The following KATNAL2 variants were observed in gnomAD, a reference collection of about 807,000 sequenced individuals.
The protein encoded by KATNAL2 is katanin catalytic subunit A1 like 2, also known as katanin p60 ATPase-containing subunit A-like 2.
In KATNAL2, 52 loss-of-function variants were observed where a neutral mutation model predicts 76.3. That is an observed-to-expected ratio of 0.68 (90% CI 0.55 to 0.86). The LOEUF (loss-of-function observed/expected upper bound fraction) is 0.86, where lower values mean the gene tolerates loss of function less well. Ranked by LOEUF, KATNAL2 falls within the 40% of genes least tolerant of loss-of-function variation. KATNAL2 has a pLI of 0.00. For synonymous variants in KATNAL2, 243 were observed against 244.2 expected (o/e 1.00, Z 0.05); for missense variants, 660 against 668.9 (o/e 0.99, Z 0.15).
intron 1 of KATNAL2, among the ~76,000 whole-genome samples, chr18:46,942,916 C>T (rs1364454099): frequency 1.3e-5 from 2 of 151,840 alleles, no homozygotes; most frequent in African/African-American, 2.4e-5. Context: ...TGTTTTCTTC[C>T]TTTAAAGAAT....
chr18:47,072,339 C>T (rs1197967403), intron 13 of KATNAL2, among the ~76,000 whole-genome samples: 2 of 152,208 alleles, frequency 1.3e-5, no homozygotes, highest in African/African-American at 4.8e-5. Context: ...CCTGAGCCCT[C>T]TCTGCAGAGG....
intron 11 of KATNAL2, among the ~76,000 whole-genome samples, 156 bp downstream of exon 11, chr18:47,067,275 C>T (rs1449011954): frequency 1.3e-5 from 2 of 152,146 alleles, no homozygotes; most frequent in African/African-American, 4.8e-5. Context: ...CCTGGAGCAC[C>T]AAAGCCTGGT....
In KATNAL2 at chr18:47,046,479, G is replaced by A. The variant is rs1178127684; in HGVS notation, c.74G>A (p.Arg25Gln). 11 of 1,535,812 alleles carry A rather than the reference G, an allele frequency of 7.2e-6. No individual in the cohort carries two copies. Among genetic ancestry groups the A allele is most frequent in the Admixed American group, 3.9e-5 (2 of 50,966 alleles). ...CAGTGCGAGATGAGGACAGAAGCAC[G>A]ACGAAAAAATCTTCTCATTTTGATT... is the stretch of plus-strand genomic sequence containing the variant. The part of the protein sequence containing the change: ...REACEMRTEA[R>Q]RKNLLILISH... The change falls in exon 4 of 18, where the codon CGA becomes CAA. Residue 25 changes from arginine (R) to glutamine (Q), a missense_variant. Arg to Gln is a conservative substitution (Grantham distance 43). Transcript: ENST00000683218.
At chr18:47,071,950 C>CTTTTTTTT (rs1569113939) in intron 13 of KATNAL2, among the ~76,000 whole-genome samples, 1 of 39,230 alleles carries the variant, frequency 2.5e-5, no homozygotes, top group African/African-American at 9.5e-5. Flanking sequence ...CTCCCAATTT[C>CTTTTTTTT]TTCTTTTTTT....
rs35379896 is a variant in KATNAL2, at chr18:46,953,756, C to CA, written c.51+6844dup. ...TAGGCGACACATGGAGACCCCGTCT[C>CA]AAAAAAAAAAAGATATAAAAAATGA... On this transcript the variant is annotated intron_variant, in intron 3 of 17. Transcript: ENST00000683218. 8.3e-3 allele frequency among the ~76,000 whole-genome samples: 1,205 copies of CA among 145,864 alleles called. 9 individuals are homozygous for CA. Among genetic ancestry groups the CA allele is most frequent in the African/African-American group, 0.028 (1,114 of 39,772 alleles).
intron 13 of KATNAL2, among the ~76,000 whole-genome samples, chr18:47,073,389 A>G (rs2062074113): frequency 6.6e-6 from 1 of 152,246 alleles, no homozygotes; most frequent in African/African-American, 2.4e-5. Context: ...GAAGAAACAG[A>G]TAACCTCTGC....
At chr18:47,042,956 G>A (rs1054503781) in intron 3 of KATNAL2, among the ~76,000 whole-genome samples, 3 of 152,114 alleles carry the variant, frequency 2.0e-5, no homozygotes, top group Non-Finnish European at 2.9e-5. Flanking sequence ...GGCTGGGCGC[G>A]GTGGCTCACG....
chr18:47,067,796 C>T (rs1330743965), intron 11 of KATNAL2, among the ~76,000 whole-genome samples: 3 of 152,216 alleles, frequency 2.0e-5, no homozygotes, highest in Non-Finnish European at 2.9e-5. Context: ...TTTGTAATTC[C>T]GTGGGTAGGC....
At position 47,084,261 on chromosome 18, in the gene KATNAL2, G is replaced by C. The variant is rs1037156978; in HGVS notation, c.1211+6800G>C. 6 of 689,464 alleles carry C rather than the reference G, an allele frequency of 8.7e-6. No homozygotes were observed. The South Asian group carries it at 9.2e-5, about 11-fold the overall frequency. The allele number at this position is 689,464 out of a possible 1,614,324, so 42.7% of individuals were successfully genotyped here. A position where few individuals can be genotyped will look rare whatever the true frequency, so the allele number is the denominator to read the frequency against. ...CCTACATGAACCCTCTCCTGCTGGTGTAACATTGCTATAGCAATGCATGCA... is the reference window on the plus strand; with the variant it reads ...CCTACATGAACCCTCTCCTGCTGGTCTAACATTGCTATAGCAATGCATGCA... On this transcript the variant is annotated intron_variant, in intron 15 of 17. Transcript: ENST00000683218.
intron 3 of KATNAL2, among the ~76,000 whole-genome samples, chr18:46,954,400 G>A (rs1246695222): frequency 6.3e-5 from 9 of 143,718 alleles, no homozygotes; most frequent in Admixed American, 3.7e-4. Context: ...GCATGATCTC[G>A]GCTCACTGCA....
chr18:47,073,018 T>C (rs997326708), intron 13 of KATNAL2, among the ~76,000 whole-genome samples: 7 of 152,090 alleles, frequency 4.6e-5, no homozygotes, highest in Non-Finnish European at 1.0e-4. Context: ...GCCCATATAG[T>C]ATGGGACAAT....
intron 1 of KATNAL2, among the ~76,000 whole-genome samples, chr18:46,942,282 T>C (rs983021573): frequency 2.0e-5 from 3 of 152,214 alleles, no homozygotes; most frequent in Admixed American, 6.5e-5. Context: ...TCTGCAATTC[T>C]AATCAGCTGT....
At chr18:47,050,674 G>A (rs543836714) in intron 4 of KATNAL2, among the ~76,000 whole-genome samples, 9 of 152,276 alleles carry the variant, frequency 5.9e-5, no homozygotes, top group African/African-American at 1.7e-4. Context: ...CTGTCAAAAC[G>A]AAAATGAACT....
At position 47,046,476 on chromosome 18, in the gene KATNAL2, C is replaced by G; in HGVS notation, c.71C>G (p.Ala24Gly). ...TTCCAGTGCGAGATGAGGACAGAAG[C>G]ACGACGAAAAAATCTTCTCATTTTG... ...AREACEMRTE[A>G]RRKNLLILIS... The change falls in exon 4 of 18, where the codon GCA becomes GGA. Residue 24 changes from alanine (A) to glycine (G), a missense_variant. Ala to Gly is a moderately conservative substitution (Grantham distance 60). Transcript: ENST00000683218. 3 of 1,535,880 alleles carry G rather than the reference C, an allele frequency of 2.0e-6. No individual in the cohort carries two copies. The highest frequency in any genetic ancestry group is 2.6e-6 in the Non-Finnish European group (3 of 1,146,742).
chr18:47,047,035 C>G (rs1437739346), intron 4 of KATNAL2, among the ~76,000 whole-genome samples: 2 of 152,100 alleles, frequency 1.3e-5, no homozygotes, highest in African/African-American at 4.8e-5. Context: ...TCCCCCTGCT[C>G]CCAGCCTCCC....
intron 1 of KATNAL2, chr18:46,919,987 T>TA: frequency 9.7e-7 from 1 of 1,031,402 alleles, no homozygotes; most frequent in Non-Finnish European, 1.3e-6. Context: ...CAGAGGAGCT[T>TA]ACACCCATAA....
At chr18:46,948,354 T>A (rs1045651746) in intron 3 of KATNAL2, among the ~76,000 whole-genome samples, 4 of 151,840 alleles carry the variant, frequency 2.6e-5, no homozygotes, top group Admixed American at 6.6e-5. Flanking sequence ...TCAGGCAATC[T>A]TCCCCCCTCA....
chr18:46,943,753 G>A (rs761750705), intron 1 of KATNAL2, among the ~76,000 whole-genome samples: 27 of 152,166 alleles, frequency 1.8e-4, no homozygotes, highest in Admixed American at 6.5e-4. Context: ...CAAGATTTAA[G>A]AACCCTCTTT....
At position 47,077,477 on chromosome 18, in the gene KATNAL2, A is replaced by G. The variant is rs753916228; in HGVS notation, c.1211+16A>G. ...ACCTGCCGTGGTAAGAGACCAAGAG[A>G]GTAAATTTTGAATACATTTTCAGGA... On this transcript the variant is annotated intron_variant, in intron 15 of 17. Transcript: ENST00000683218. The G allele has an allele frequency of 6.3e-7, 1 of 1,582,112 alleles. No homozygotes were observed. Among genetic ancestry groups the G allele is most frequent in the Non-Finnish European group, 8.7e-7 (1 of 1,151,052 alleles).
Sources: allele counts gnomAD v4.1 joint callset (sites outside exome capture counted in the v4.1 genomes callset), GRCh38; gene constraint gnomAD v4.1.1; transcripts MANE v1.5; gene names NCBI Gene and HGNC (gene_info 2026-07-23, HGNC 2026-07-21).